The following CTDSPL variants were observed in gnomAD, a reference collection of about 807,000 sequenced individuals.
The protein encoded by CTDSPL is CTD small phosphatase like, also known as CTD small phosphatase-like protein.
In CTDSPL, 8 loss-of-function variants were observed where a neutral mutation model predicts 30.5. That is an observed-to-expected ratio of 0.26 (90% CI 0.15 to 0.47). The LOEUF (loss-of-function observed/expected upper bound fraction) is 0.47, where lower values mean the gene tolerates loss of function less well. Ranked by LOEUF, CTDSPL falls within the 20% of genes least tolerant of loss-of-function variation. The pLI, the probability that CTDSPL is intolerant of heterozygous loss-of-function variation, is 0.99. For missense variants in CTDSPL, 248 were observed against 366.1 expected, an observed-to-expected ratio of 0.68 and a Z score of 2.63; for synonymous variants, 110 against 137.9, an observed-to-expected ratio of 0.80 and a Z score of 1.42.
At chr3:37,917,529 C>T (rs989325577) in intron 1 of CTDSPL, among the ~76,000 whole-genome samples, 10 of 152,088 alleles carry the variant, frequency 6.6e-5, no homozygotes, top group Non-Finnish European at 2.9e-5. Context: ...TAAATTTAGA[C>T]CTTATTAGGT....
At chr3:37,875,331 C>G (rs537727489) in intron 1 of CTDSPL, among the ~76,000 whole-genome samples, 1 of 152,188 alleles carries the variant, frequency 6.6e-6, no homozygotes, top group African/African-American at 2.4e-5. Flanking sequence ...TAGTTAAAAA[C>G]TGAAAAGCTT....
At position 37,862,667 on chromosome 3, in the gene CTDSPL, A is replaced by C. The variant is rs1025364971; in HGVS notation, c.79+389A>C. ...AAGGATATGTGTGCACCTCACAGAG[A>C]GGTTGTGAGATTGTAAGGGTTTGCG... On this transcript the variant is annotated intron_variant, in intron 1 of 7. Transcript: ENST00000273179. The surrounding 1 kb of genome is among the most constrained non-coding windows in gnomAD (Gnocchi z 4.3). 6.6e-6 allele frequency among the ~76,000 whole-genome samples: 1 copy of C among 152,052 alleles called. No homozygotes were observed. The highest frequency in any genetic ancestry group is 6.6e-5 in the Admixed American group (1 of 15,264).
chr3:37,905,062 C>G (rs1203663272), intron 1 of CTDSPL, among the ~76,000 whole-genome samples: 2 of 152,192 alleles, frequency 1.3e-5, no homozygotes, highest in Non-Finnish European at 2.9e-5. Context: ...CTGCCCACAG[C>G]TTCAAACACG....
chr3:37,897,741 A>C (rs752726805), intron 1 of CTDSPL, among the ~76,000 whole-genome samples: 38 of 152,194 alleles, frequency 2.5e-4, no homozygotes, highest in Non-Finnish European at 4.4e-4. Flanking sequence ...ACTAGGGTCA[A>C]GCATCAGAAG....
chr3:37,875,804 T>C (rs1007704427), intron 1 of CTDSPL, among the ~76,000 whole-genome samples: 1 of 152,254 alleles, frequency 6.6e-6, no homozygotes, highest in Non-Finnish European at 1.5e-5. Context: ...ATACATTTCA[T>C]AGCAATCGTG....
At chr3:37,888,680 A>G (rs1165587129) in intron 1 of CTDSPL, among the ~76,000 whole-genome samples, 1 of 152,240 alleles carries the variant, frequency 6.6e-6, no homozygotes, top group Non-Finnish European at 1.5e-5. Context: ...TCATAACATA[A>G]TGCTCAGACT....
chr3:37,974,044 G>C (rs902140241), intron 6 of CTDSPL, among the ~76,000 whole-genome samples: 1 of 152,120 alleles, frequency 6.6e-6, no homozygotes, highest in Admixed American at 6.5e-5. Context: ...AAAACGTTAG[G>C]AGATTTTTTT....
rs1239078756 is a variant in CTDSPL at position 37,882,269 on chromosome 3, C to T, written c.79+19991C>T. On this transcript the variant is annotated intron_variant, in intron 1 of 7. Transcript: ENST00000273179. ...CATCCTGGCTAACATGGTAAAACCC[C>T]GTCTCTACTAAAAATACAAAAAATT... Among the ~76,000 whole-genome samples the T allele has an allele frequency of 6.6e-5, 10 of 152,028 alleles. No homozygotes were observed. In the South Asian group the frequency reaches 1.7e-3, roughly 25 times the overall value.
intron 1 of CTDSPL, among the ~76,000 whole-genome samples, chr3:37,881,338 G>A (rs1698201386): frequency 6.6e-6 from 1 of 152,050 alleles, no homozygotes; most frequent in Non-Finnish European, 1.5e-5. Flanking sequence ...AGACCAGCCT[G>A]GCCAACATGG....
intron 1 of CTDSPL, among the ~76,000 whole-genome samples, chr3:37,875,188 T>C (rs1698122150): frequency 1.3e-5 from 2 of 152,178 alleles, no homozygotes; most frequent in South Asian, 4.1e-4. Context: ...ATTTTTGTAT[T>C]TGAGATCAGG....
chr3:37,935,702 C>T (rs1698906814), intron 1 of CTDSPL, among the ~76,000 whole-genome samples: 1 of 152,060 alleles, frequency 6.6e-6, no homozygotes, highest in South Asian at 2.1e-4. Flanking sequence ...AATAAGGCTA[C>T]CAGGAGTATT....
intron 1 of CTDSPL, among the ~76,000 whole-genome samples, chr3:37,875,053 A>T (rs1698120845): frequency 6.6e-6 from 1 of 152,108 alleles, no homozygotes; most frequent in African/African-American, 2.4e-5. Context: ...AAAAATGGGG[A>T]TGCATATTCA....
chr3:37,956,671 G>T (rs1320622118), intron 2 of CTDSPL, among the ~76,000 whole-genome samples: 1 of 152,170 alleles, frequency 6.6e-6, no homozygotes, highest in Non-Finnish European at 1.5e-5. Context: ...TGACCAGGGG[G>T]TCATTGTAAT....
At chr3:37,937,838 C>T (rs1323098991) in intron 1 of CTDSPL, among the ~76,000 whole-genome samples, 3 of 150,198 alleles carry the variant, frequency 2.0e-5, no homozygotes, top group East Asian at 1.9e-4. Flanking sequence ...GCAGGTGGAC[C>T]TAGGAGTTTA....
rs912929717 is a variant in CTDSPL at position 37,981,831 on chromosome 3, A to G, written c.*964A>G. Reference sequence around the variant, plus strand: ...AATCTTTCCTTTCCAAAAGCTGGATACACATGGAGCTGTTTGGGAATTTTC... The same window carrying G: ...AATCTTTCCTTTCCAAAAGCTGGATGCACATGGAGCTGTTTGGGAATTTTC... On this transcript the variant is annotated 3_prime_UTR_variant, in exon 8 of 8. Coordinates refer to ENST00000273179, the MANE Select transcript of CTDSPL (RefSeq NM_001008392.2). 1 of 457,242 alleles carries G rather than the reference A, an allele frequency of 2.2e-6. No individual in the cohort carries two copies. The highest frequency in any genetic ancestry group is 2.3e-5 in the Admixed American group (1 of 42,592). 28.3% of individuals were successfully genotyped at this position (457,242 alleles called of 1,614,324 possible). A position where few individuals can be genotyped will look rare whatever the true frequency, so the allele number is the denominator to read the frequency against.
chr3:37,944,478 T>G (rs947244332), intron 1 of CTDSPL, among the ~76,000 whole-genome samples: 1 of 150,128 alleles, frequency 6.7e-6, no homozygotes, highest in African/African-American at 2.4e-5. Context: ...GGGAGAGAAG[T>G]AGCAGCTGGG....
chr3:37,877,673 T>C (rs891660775), intron 1 of CTDSPL, among the ~76,000 whole-genome samples: 13 of 138,724 alleles, frequency 9.4e-5, no homozygotes, highest in Non-Finnish European at 1.3e-4. Flanking sequence ...TAGTCTGTTT[T>C]GCATTGCTAT....
At chr3:37,924,838 A>G (rs566220868) in intron 1 of CTDSPL, among the ~76,000 whole-genome samples, 2 of 152,246 alleles carry the variant, frequency 1.3e-5, no homozygotes, top group South Asian at 4.2e-4. Context: ...TCCTGCCCTC[A>G]CCAGCATGAC....
chr3:37,939,463 G>A (rs1698953345), intron 1 of CTDSPL, among the ~76,000 whole-genome samples: 1 of 150,250 alleles, frequency 6.7e-6, no homozygotes, highest in Non-Finnish European at 1.5e-5. Flanking sequence ...CTCTTAAATG[G>A]CAACCTGTGT....
Sources: allele counts gnomAD v4.1 joint callset (sites outside exome capture counted in the v4.1 genomes callset), GRCh38; gene constraint gnomAD v4.1.1; non-coding constraint Gnocchi (gnomAD v3.1); transcripts MANE v1.5; gene names NCBI Gene and HGNC (gene_info 2026-07-23, HGNC 2026-07-21).